The following MYOCD variants were observed in gnomAD, a reference collection of about 807,000 sequenced individuals.
MYOCD encodes myocardin.
A neutral mutation model predicts 96.1 loss-of-function variants in MYOCD; 32 were observed. That is an observed-to-expected ratio of 0.33 (90% CI 0.25 to 0.45). The LOEUF (loss-of-function observed/expected upper bound fraction) is 0.45, where lower values mean the gene tolerates loss of function less well. Ranked by LOEUF, MYOCD falls within the 20% of genes least tolerant of loss-of-function variation. The probability of loss-of-function intolerance (pLI) is 1.00; values close to 1 mark genes in which losing one functional copy is unlikely to be tolerated. For synonymous variants in MYOCD, 469 were observed against 469.0 expected, an observed-to-expected ratio of 1.00 and a Z score of 0.00; for missense variants, 1,133 against 1,200.6, an observed-to-expected ratio of 0.94 and a Z score of 0.83.
At chr17:12,758,691 G>A (rs190442418) in intron 12 of MYOCD, among the ~76,000 whole-genome samples, 1 of 152,192 alleles carries the variant, frequency 6.6e-6, no homozygotes, top group Non-Finnish European at 1.5e-5. Context: ...TAAATGCAAG[G>A]AGGTTCACTG....
Position 12,744,228 on chromosome 17 carries a change from G to A in MYOCD, c.763G>A (p.Asp255Asn), listed in dbSNP as rs772250546. Residue 255 changes from aspartate (D) to asparagine (N), a missense_variant, in exon 8 of 14, where the codon GAC becomes AAC. Coordinates refer to ENST00000425538, the MANE Select transcript of MYOCD (RefSeq NM_001146312.3). ...DSKNRHKKPK[D>N]PKPKVKKLKY... ...TAAGAACCGCCACAAAAAGCCCAAG[G>A]ACCCCAAGCCAAAGGTGAAGAAGCT... 1 of 1,614,072 alleles carries A rather than the reference G, an allele frequency of 6.2e-7. No individual in the cohort carries two copies. Among genetic ancestry groups the A allele is most frequent in the South Asian group, 1.1e-5 (1 of 91,082 alleles).
At chr17:12,685,141 G>T (rs1242454656) in intron 1 of MYOCD, among the ~76,000 whole-genome samples, 2 of 148,182 alleles carry the variant, frequency 1.3e-5, no homozygotes, top group East Asian at 4.2e-4. Flanking sequence ...ACTAAAAGTA[G>T]AAAAAATATT....
chr17:12,702,864 C>T (rs8080245), intron 1 of MYOCD, among the ~76,000 whole-genome samples: 71,311 of 151,608 alleles, frequency 0.47, 18,613 homozygotes, highest in African/African-American at 0.72. Context: ...TTAAGAGCAT[C>T]GCAAGACAAT....
Position 12,742,652 on chromosome 17 carries a change from C to T in MYOCD, c.718-1531C>T, listed in dbSNP as rs1027906020. 6.6e-4 allele frequency among the ~76,000 whole-genome samples: 101 copies of T among 152,080 alleles called. 1 individual carries two copies. Among genetic ancestry groups the T allele is most frequent in the Admixed American group, 5.9e-4 (9 of 15,272 alleles). ...GTGGCGCAATCTCGGCTTACTGCAA[C>T]CTCCACCTCCTGGGTTCAAGCTATT... is the stretch of plus-strand genomic sequence containing the variant. On this transcript the variant is annotated intron_variant, in intron 7 of 13. Transcript: ENST00000425538.
At chr17:12,708,101 A>G (rs774195894) in intron 2 of MYOCD, among the ~76,000 whole-genome samples, 5 of 152,138 alleles carry the variant, frequency 3.3e-5, no homozygotes, top group Admixed American at 6.5e-5. Flanking sequence ...TCTTCAGAAT[A>G]GAGTTTGAAA....
chr17:12,763,117 G>T lies in MYOCD; in HGVS notation c.2434G>T (p.Val812Phe), dbSNP rs1363038971. The T allele has an allele frequency of 6.2e-7, 1 of 1,613,848 alleles. No homozygotes were observed. The highest frequency in any genetic ancestry group is 1.3e-5 in the African/African-American group (1 of 74,894). ...AGAGGATCACTCATGTCTTCAAAAA[G>T]TCCCAAAGATACCCAGATCTTCCCG... ...AREDHSCLQK[V>F]PKIPRSSRSP... is the part of the protein sequence containing the mutation. The change falls in exon 14 of 14, where the codon GTC becomes TTC. Residue 812 changes from valine (V) to phenylalanine (F), a missense_variant. By Grantham distance (50) the Val-to-Phe change is conservative (BLOSUM62 -1). Coordinates refer to ENST00000425538, the MANE Select transcript of MYOCD (RefSeq NM_001146312.3).
chr17:12,681,773 C>G (rs1910482336), intron 1 of MYOCD, among the ~76,000 whole-genome samples: 1 of 152,180 alleles, frequency 6.6e-6, no homozygotes, highest in Non-Finnish European at 1.5e-5. Context: ...CCCCTCAGAG[C>G]TCACCTTGTT....
chr17:12,731,273 T>A (rs540404108), intron 5 of MYOCD, among the ~76,000 whole-genome samples: 1 of 152,296 alleles, frequency 6.6e-6, no homozygotes, highest in South Asian at 2.1e-4. Flanking sequence ...CTGCATGGGC[T>A]TGGCTTGAAC....
At chr17:12,695,683 G>C (rs1424096199) in intron 1 of MYOCD, among the ~76,000 whole-genome samples, 1 of 151,884 alleles carries the variant, frequency 6.6e-6, no homozygotes, top group Admixed American at 6.6e-5. Context: ...ACTATTTTTT[G>C]AATTTTAATT....
intron 6 of MYOCD, 23 bp from the exon 7 acceptor site, chr17:12,739,180 T>C (rs754971725): frequency 8.8e-6 from 14 of 1,596,592 alleles, no homozygotes; most frequent in Admixed American, 1.8e-5. Context: ...ATCTTCCTAA[T>C]ATCGGTAACA....
intron 1 of MYOCD, among the ~76,000 whole-genome samples, chr17:12,701,897 A>T (rs975146944): frequency 1.3e-5 from 2 of 152,086 alleles, no homozygotes; most frequent in Admixed American, 1.3e-4. Context: ...ATTAATTCCA[A>T]TGTGGTCAGA....
At chr17:12,679,220 T>A (rs1910297999) in intron 1 of MYOCD, among the ~76,000 whole-genome samples, 1 of 152,146 alleles carries the variant, frequency 6.6e-6, no homozygotes, top group Non-Finnish European at 1.5e-5. Context: ...TTTAATTTTT[T>A]ATTTTAACAT....
intron 1 of MYOCD, among the ~76,000 whole-genome samples, chr17:12,689,977 G>GGA (rs1451638063): frequency 6.6e-6 from 1 of 152,146 alleles, no homozygotes; most frequent in Admixed American, 6.5e-5. Context: ...ATCTGGAGAT[G>GGA]GAGAAGGTCT....
In MYOCD at chr17:12,753,073, G is replaced by A. The variant is rs770496931; in HGVS notation, c.1785G>A (p.Glu595=). ...VPVKRQSSSS[E]CHPPACEAAQ... is the part of the protein sequence containing the mutation. ...TGAAAAGACAAAGCAGCAGCTCAGA[G>A]TGTCACCCACCGGCTTGTGAAGCTG... Residue 595 remains glutamate (E), a synonymous_variant, in exon 10 of 14, where the codon GAG becomes GAA. Transcript: ENST00000425538. 5.0e-6 allele frequency: 8 copies of A among 1,614,206 alleles called. No individual in the cohort carries two copies. Among genetic ancestry groups the A allele is most frequent in the South Asian group, 4.4e-5 (4 of 91,090 alleles).
chr17:12,729,916 C>A (rs2032117244), intron 5 of MYOCD, among the ~76,000 whole-genome samples: 1 of 152,058 alleles, frequency 6.6e-6, no homozygotes, highest in Non-Finnish European at 1.5e-5. Context: ...ACTTGTGTGG[C>A]CCTAGGATCA....
At chr17:12,713,351 T>C (rs2031538276) in intron 2 of MYOCD, among the ~76,000 whole-genome samples, 1 of 152,146 alleles carries the variant, frequency 6.6e-6, no homozygotes, top group African/African-American at 2.4e-5. Flanking sequence ...GCTTTGCTAA[T>C]AAGAATTGAA....
chr17:12,768,894 T>A lies in MYOCD; in HGVS notation c.*5250T>A, dbSNP rs562186656. On this transcript the variant is annotated 3_prime_UTR_variant, in exon 14 of 14. Coordinates refer to ENST00000425538, the MANE Select transcript of MYOCD (RefSeq NM_001146312.3). ...ACCAAAGTTGGCATGTGTTCTTTTT[T>A]AAAAAAAAAAAAAAATGCATATATT... 3.3e-4 allele frequency: 47 copies of A among 142,336 alleles called. No homozygotes were observed. Among genetic ancestry groups the A allele is most frequent in the African/African-American group, 1.1e-3 (42 of 38,250 alleles). 8.8% of individuals were successfully genotyped at this position (142,336 alleles called of 1,614,324 possible). A position where few individuals can be genotyped will look rare whatever the true frequency, so the allele number is the denominator to read the frequency against.
At chr17:12,667,221 G>A (rs1909425539) in intron 1 of MYOCD, among the ~76,000 whole-genome samples, 1 of 152,202 alleles carries the variant, frequency 6.6e-6, no homozygotes, top group Non-Finnish European at 1.5e-5. Context: ...TTTCACTTGG[G>A]ATGGATGGTT....
chr17:12,720,072 C>G (rs1352227331), intron 4 of MYOCD, among the ~76,000 whole-genome samples: 2 of 151,974 alleles, frequency 1.3e-5, no homozygotes, highest in Admixed American at 1.3e-4. Context: ...GCGTCTCCCG[C>G]TCTTTTCCTT....
Sources: gnomAD v4.1 joint callset for allele counts (sites outside exome capture counted in the v4.1 genomes callset) on GRCh38, gnomAD v4.1.1 for gene constraint, MANE v1.5 for transcripts, NCBI Gene and HGNC (gene_info 2026-07-23, HGNC 2026-07-21) for gene names.